Variants in RIN3 observed in about 807,000 individuals in gnomAD.
The protein encoded by RIN3 is Ras and Rab interactor 3, also known as RAB5 interacting protein 3.
In RIN3, 54 loss-of-function variants were observed where a neutral mutation model predicts 76.3. The observed-to-expected ratio is 0.71, with a 90% confidence interval of 0.57 to 0.89. The LOEUF (loss-of-function observed/expected upper bound fraction) is 0.89. Ranked by LOEUF, RIN3 falls within the 40% of genes least tolerant of loss-of-function variation. The pLI is 0.00. For synonymous variants in RIN3, 576 were observed against 564.0 expected (o/e 1.02, Z -0.30); for missense variants, 1,256 against 1,322.1 (o/e 0.95, Z 0.78).
In RIN3 at chr14:92,652,245, AC is replaced by A; in HGVS notation, c.1198del (p.Gln400LysfsTer39). 6.2e-7 allele frequency: 1 copy of A among 1,610,588 alleles called. No homozygotes were observed. The highest frequency in any genetic ancestry group is 8.5e-7 in the Non-Finnish European group (1 of 1,177,826). Reference sequence around the variant, plus strand: ...GTTTCCGAGAGGGTGTCCTTAGAAGACCAAAGTCCGGGGATGGCGGCAGAGG... The same window carrying A: ...GTTTCCGAGAGGGTGTCCTTAGAAGACAAAGTCCGGGGATGGCGGCAGAGG... ...RRVSERVSLE[D>X]QSPGMAAEGD... On this transcript the variant is annotated frameshift_variant, in exon 6 of 10. Transcript: ENST00000216487. LOFTEE classifies it high-confidence loss of function. This position sits in a 1 kb window ranked among gnomAD's most constrained non-coding sequence, Gnocchi z 6.4.
chr14:92,632,071 T>A (rs2140121089), intron 4 of RIN3, among the ~76,000 whole-genome samples: 1 of 152,094 alleles, frequency 6.6e-6, no homozygotes, highest in South Asian at 2.1e-4. Context: ...AGAAGCCCAG[T>A]GAGGGTGCGA....
rs949122163 is a variant in RIN3 at position 92,688,090 on chromosome 14, C to G, written c.2796C>G (p.Phe932Leu). Residue 932 changes from phenylalanine to leucine, a missense_variant, in exon 10 of 10, where the codon TTC becomes TTG. Physicochemically the swap from Phe to Leu is conservative, Grantham distance 22. This residue lies in a region of RIN3 where 218 missense variants were observed against 174.5 expected (regional missense o/e 1.25). Coordinates refer to ENST00000216487, the MANE Select transcript of RIN3 (RefSeq NM_024832.5). ...RLFVLVDGRC[F>L]QLADDALPHC... ...TCGTGCTGGTGGACGGGCGCTGCTT[C>G]CAGCTGGCGGACGACGCGCTGCCGC... The G allele has an allele frequency of 1.2e-6, 2 of 1,607,104 alleles. No homozygotes were observed. The highest frequency in any genetic ancestry group is 3.4e-5 in the Admixed American group (2 of 59,664).
At chr14:92,525,571 C>CT (rs1896707703) in intron 1 of RIN3, among the ~76,000 whole-genome samples, 1 of 151,988 alleles carries the variant, frequency 6.6e-6, no homozygotes, top group Admixed American at 6.5e-5. Context: ...GAATGGGGCC[C>CT]ACTAGGAGGC....
intron 7 of RIN3, among the ~76,000 whole-genome samples, chr14:92,660,283 T>C (rs1013293817): frequency 2.6e-5 from 4 of 152,194 alleles, no homozygotes; most frequent in African/African-American, 9.7e-5. Context: ...GTGGGCCAGT[T>C]GGAGGCCAGA....
chr14:92,551,891 ATT>A (rs773818495), intron 1 of RIN3, among the ~76,000 whole-genome samples: 6 of 152,060 alleles, frequency 3.9e-5, no homozygotes, highest in Non-Finnish European at 8.8e-5. Flanking sequence ...AACTTTATCT[ATT>A]TTTTCTTTTA....
In RIN3 at chr14:92,593,914, A is replaced by C. The variant is rs961824284; in HGVS notation, c.367+16437A>C. On this transcript the variant is annotated intron_variant, in intron 3 of 9. Transcript: ENST00000216487. ...TAGATTAATCTACTATCATAGTTGG[A>C]GACTTCAGCACCCCTCCATCAGACA... Among the ~76,000 whole-genome samples the C allele has an allele frequency of 1.1e-4, 16 of 152,208 alleles. No individual in the cohort carries two copies. In the East Asian group the frequency reaches 2.7e-3, roughly 26 times the overall value.
intron 3 of RIN3, among the ~76,000 whole-genome samples, chr14:92,595,902 C>T (rs886562760): frequency 7.2e-5 from 11 of 152,238 alleles, no homozygotes; most frequent in African/African-American, 2.4e-4. Flanking sequence ...GCCTGTCTCA[C>T]CAGCTTCTTT....
chr14:92,676,308 CTG>C (rs2140169434), intron 7 of RIN3, among the ~76,000 whole-genome samples, 165 bp from the exon 8 acceptor site: 2 of 152,190 alleles, frequency 1.3e-5, no homozygotes, highest in East Asian at 3.9e-4. Flanking sequence ...CCTGAGGAGG[CTG>C]CTCCCTGGGT....
intron 5 of RIN3, chr14:92,644,512 G>A (rs1247287125): frequency 6.6e-6 from 1 of 152,166 alleles, no homozygotes; most frequent in African/African-American, 2.4e-5. Context: ...GCACGAGGAG[G>A]AAGTGGAGAA....
Position 92,578,790 on chromosome 14 carries a change from A to T in RIN3, c.367+1313A>T, listed in dbSNP as rs541775236. 4.3e-4 allele frequency among the ~76,000 whole-genome samples: 66 copies of T among 152,340 alleles called. 1 individual carries two copies. The Middle Eastern group carries it at 0.014, about 31-fold the overall frequency. ...CTGGGTGGCTGGCATCAGCTGATCC[A>T]TAAGAAAGAATGCAGACCTCAAACA... On this transcript the variant is annotated intron_variant, in intron 3 of 9. Transcript: ENST00000216487.
At chr14:92,531,477 G>A (rs988783160) in intron 1 of RIN3, among the ~76,000 whole-genome samples, 1 of 152,238 alleles carries the variant, frequency 6.6e-6, no homozygotes, top group African/African-American at 2.4e-5. Context: ...CAAAAACCTG[G>A]TGGTAGAATT....
intron 6 of RIN3, among the ~76,000 whole-genome samples, chr14:92,654,350 T>C (rs888766231): frequency 6.6e-5 from 10 of 151,994 alleles, no homozygotes; most frequent in African/African-American, 2.4e-5. Context: ...AAAAAATACA[T>C]TCTGTCAGTT....
At chr14:92,651,031 C>T (rs1887396222) in intron 5 of RIN3, 1 of 152,478 alleles carries the variant, frequency 6.6e-6, no homozygotes, top group South Asian at 2.0e-4. Context: ...TTCGTCCTTC[C>T]CACATATAAT....
At chr14:92,589,553 T>A (rs1884905237) in intron 3 of RIN3, among the ~76,000 whole-genome samples, 1 of 152,146 alleles carries the variant, frequency 6.6e-6, no homozygotes, top group Non-Finnish European at 1.5e-5. Context: ...TGGATCCAAA[T>A]TAAAATCCCA....
chr14:92,636,145 C>A (rs987972298), intron 4 of RIN3, among the ~76,000 whole-genome samples: 2 of 151,948 alleles, frequency 1.3e-5, no homozygotes, highest in Non-Finnish European at 2.9e-5. Context: ...AGCTAATATA[C>A]GTAAAGTGCT....
intron 1 of RIN3, among the ~76,000 whole-genome samples, chr14:92,544,414 T>TGGGGGGGGGGGGGGGGGGGGGGGGGGG (rs71123353): frequency 1.1e-4 from 8 of 74,554 alleles, no homozygotes; most frequent in East Asian, 6.2e-4. Context: ...GTGACAGCTG[T>TGGGGGGGGGGGGGGGGGGGGGGGGGGG]GGGGGGGGGG....
At chr14:92,591,152 C>CA (rs1884964236) in intron 3 of RIN3, among the ~76,000 whole-genome samples, 3 of 151,824 alleles carry the variant, frequency 2.0e-5, no homozygotes, top group Non-Finnish European at 4.4e-5. Flanking sequence ...AAGAAAGAAC[C>CA]AAAAAAATGC....
intron 4 of RIN3, among the ~76,000 whole-genome samples, chr14:92,631,368 G>A (rs1319920577): frequency 1.3e-5 from 2 of 152,206 alleles, no homozygotes; most frequent in African/African-American, 4.8e-5. Flanking sequence ...AGCACATTCT[G>A]TGCTCTGTCT....
chr14:92,585,768 G>A (rs1029467069), intron 3 of RIN3, among the ~76,000 whole-genome samples: 21 of 152,128 alleles, frequency 1.4e-4, no homozygotes, highest in Admixed American at 5.9e-4. Context: ...ACAGGTACAC[G>A]CCGCTGTGCC....
Sources: allele counts gnomAD v4.1 joint callset (sites outside exome capture counted in the v4.1 genomes callset), GRCh38; gene constraint gnomAD v4.1.1; regional missense constraint gnomAD v4.1.1; non-coding constraint Gnocchi (gnomAD v3.1); transcripts MANE v1.5; gene names NCBI Gene and HGNC (gene_info 2026-07-23, HGNC 2026-07-21).